Variants in VRK1 observed in about 807,000 individuals in gnomAD.
The protein encoded by VRK1 is serine/threonine-protein kinase VRK1.
In VRK1, 33 loss-of-function variants were observed where a neutral mutation model predicts 57.1. The observed-to-expected ratio is 0.58, with a 90% CI of 0.44 to 0.77. The LOEUF is 0.77. VRK1 is among the 30% of genes least tolerant of loss of function. The pLI, the probability that VRK1 is intolerant of heterozygous loss-of-function variation, is 0.00. For missense variants in VRK1, 413 were observed against 477.3 expected, an observed-to-expected ratio of 0.87 and a Z score of 1.25; for synonymous variants, 137 against 147.8, an observed-to-expected ratio of 0.93 and a Z score of 0.53.
At position 96,827,439 on chromosome 14, in the gene VRK1, C is replaced by CTACT. The variant is rs1296604266; in HGVS notation, c.-5-6023_-5-6020dup. 2.6e-5 allele frequency among the ~76,000 whole-genome samples: 4 copies of CTACT among 151,806 alleles called. 1 individual carries two copies. In the East Asian group the frequency reaches 7.7e-4, roughly 29 times the overall value. On this transcript the variant is annotated intron_variant, in intron 1 of 12. Coordinates refer to ENST00000216639, the MANE Select transcript of VRK1 (RefSeq NM_003384.3). ...ATCTCTTAAGGTGTGGCTGTCAGCT[C>CTACT]TACTTACTCTCCTGTAAGCTTCATT... is the stretch of plus-strand genomic sequence containing the variant.
chr14:96,847,204 A>G lies in VRK1; in HGVS notation c.287-53A>G, dbSNP rs1887736336. ...TTTGCTCTTAATGATTTTTTAAAAA[A>G]TTATCATTTATGTATAACAATTGAA... On this transcript the variant is annotated intron_variant, in intron 4 of 12. Coordinates refer to ENST00000216639, the MANE Select transcript of VRK1 (RefSeq NM_003384.3). 2.7e-6 allele frequency: 4 copies of G among 1,479,212 alleles called. No individual in the cohort carries two copies. The South Asian group carries it at 3.5e-5, about 13-fold the overall frequency. The allele number at this position is 1,479,212 out of a possible 1,614,324, so 91.6% of individuals were successfully genotyped here.
chr14:96,816,721 G>T (rs946961300), intron 1 of VRK1, among the ~76,000 whole-genome samples: 1 of 152,040 alleles, frequency 6.6e-6, no homozygotes, highest in Non-Finnish European at 1.5e-5. Context: ...ACAGTATAGG[G>T]TCACAATCAG....
Position 96,868,348 on chromosome 14 carries a change from A to G in VRK1, c.1068+7613A>G, listed in dbSNP as rs569778748. Among the ~76,000 whole-genome samples the G allele has an allele frequency of 2.6e-5, 4 of 152,300 alleles. No homozygotes were observed. The East Asian group carries it at 5.8e-4, about 22-fold the overall frequency. On this transcript the variant is annotated intron_variant, in intron 11 of 12. Coordinates refer to ENST00000216639, the MANE Select transcript of VRK1 (RefSeq NM_003384.3). ...GCTGCACCCTAGACCAAGTAAATCA[A>G]AAGCTATAAGGGTGGGACCGTCGGG...
At chr14:96,800,611 A>G (rs1475296658) in intron 1 of VRK1, among the ~76,000 whole-genome samples, 3 of 152,056 alleles carry the variant, frequency 2.0e-5, no homozygotes, top group African/African-American at 7.2e-5. Flanking sequence ...GGAAACATAT[A>G]TGTTTGTGAA....
intron 10 of VRK1, chr14:96,859,067 C>G (rs997379711): frequency 6.6e-6 from 1 of 152,138 alleles, no homozygotes; most frequent in African/African-American, 2.4e-5. Context: ...TAATTTCTCT[C>G]AACTGTGTTT....
intron 3 of VRK1, among the ~76,000 whole-genome samples, chr14:96,839,891 G>T (rs368057710): frequency 2.0e-5 from 3 of 152,140 alleles, no homozygotes; most frequent in African/African-American, 4.8e-5. Context: ...TGTCAATGTG[G>T]CAATTACATT....
At chr14:96,866,667 T>G (rs1031803248) in intron 11 of VRK1, among the ~76,000 whole-genome samples, 2 of 152,094 alleles carry the variant, frequency 1.3e-5, no homozygotes, top group African/African-American at 2.4e-5. Context: ...CGGGCTTAAG[T>G]CTTTTCTCCC....
At chr14:96,869,714 G>A (rs974789573) in intron 11 of VRK1, among the ~76,000 whole-genome samples, 3 of 151,970 alleles carry the variant, frequency 2.0e-5, no homozygotes, top group South Asian at 4.2e-4. Flanking sequence ...TAATTGATAC[G>A]AGAAGATAAT....
At chr14:96,828,852 A>G (rs1436604692) in intron 1 of VRK1, among the ~76,000 whole-genome samples, 1 of 152,226 alleles carries the variant, frequency 6.6e-6, no homozygotes, top group Non-Finnish European at 1.5e-5. Flanking sequence ...GCAGGCCCTA[A>G]GGATTGACAG....
Position 96,872,320 on chromosome 14 carries a change from A to G in VRK1, c.1069-3710A>G, listed in dbSNP as rs540582743. On this transcript the variant is annotated intron_variant, in intron 11 of 12. Coordinates refer to ENST00000216639, the MANE Select transcript of VRK1 (RefSeq NM_003384.3). Reference sequence around the variant, plus strand: ...AGATATGAAATTACCTCTTTATTACAAGAATAGTTCAATAGTTACTCTACA... The same window carrying G: ...AGATATGAAATTACCTCTTTATTACGAGAATAGTTCAATAGTTACTCTACA... Among the ~76,000 whole-genome samples, 13 of 152,328 alleles carry G rather than the reference A, an allele frequency of 8.5e-5. 1 individual carries two copies. Among genetic ancestry groups the G allele is most frequent in the African/African-American group, 3.1e-4 (13 of 41,570 alleles).
chr14:96,816,255 G>A (rs904086016), intron 1 of VRK1, among the ~76,000 whole-genome samples: 5 of 152,066 alleles, frequency 3.3e-5, no homozygotes, highest in Middle Eastern at 3.2e-3. Context: ...CTTCAACAAA[G>A]TTTCTCAGAG....
chr14:96,835,680 C>T (rs1018786065), intron 2 of VRK1, among the ~76,000 whole-genome samples: 1 of 152,174 alleles, frequency 6.6e-6, no homozygotes, highest in African/African-American at 2.4e-5. Flanking sequence ...GCCTTGAAGC[C>T]AGAAACTGGG....
intron 10 of VRK1, among the ~76,000 whole-genome samples, chr14:96,856,969 GA>G (rs147042810): frequency 6.6e-6 from 1 of 150,866 alleles, no homozygotes; most frequent in East Asian, 1.9e-4. Context: ...CTCCGTCTCA[GA>G]AAAAAAAATA....
At chr14:96,831,352 G>A (rs534418489) in intron 1 of VRK1, among the ~76,000 whole-genome samples, 1 of 152,258 alleles carries the variant, frequency 6.6e-6, no homozygotes, top group South Asian at 2.1e-4. Context: ...GGGAATTCAG[G>A]GAGATGAAAC....
At chr14:96,847,504 G>C (rs2139782863) in intron 5 of VRK1, among the ~76,000 whole-genome samples, 160 bp downstream of exon 5, 1 of 152,260 alleles carries the variant, frequency 6.6e-6, no homozygotes, top group South Asian at 2.1e-4. Flanking sequence ...TGTTATCTCT[G>C]TCCTCTGCTT....
In VRK1 at chr14:96,837,898, G is replaced by C. The variant is rs1595663884; in HGVS notation, c.216+81G>C. ...GTAAAATGCCTTTTTTGATTAACTA[G>C]AATTAATTAAACCATAAGATACTAC... On this transcript the variant is annotated intron_variant, in intron 3 of 12. Coordinates refer to ENST00000216639, the MANE Select transcript of VRK1 (RefSeq NM_003384.3). 6.4e-6 allele frequency: 6 copies of C among 931,806 alleles called. No homozygotes were observed. The East Asian group carries it at 1.7e-4, about 26-fold the overall frequency. 57.7% of individuals were successfully genotyped at this position (931,806 alleles called of 1,614,324 possible).
At chr14:96,844,145 T>C (rs1338974266) in intron 3 of VRK1, among the ~76,000 whole-genome samples, 3 of 152,206 alleles carry the variant, frequency 2.0e-5, no homozygotes, top group Admixed American at 1.3e-4. Flanking sequence ...TTCTTAACGC[T>C]GATTCTGTGA....
chr14:96,837,688 A>C, intron 2 of VRK1, 74 bp from the exon 3 acceptor site: 1 of 924,148 alleles, frequency 1.1e-6, no homozygotes, highest in South Asian at 2.5e-5. Context: ...AGGGTTACAG[A>C]TATACAAACC....
At chr14:96,881,148 G>C in intron 12 of VRK1, 29 bp from the exon 13 acceptor site, 1 of 1,587,844 alleles carries the variant, frequency 6.3e-7, no homozygotes. Context: ...ATTGACTAGT[G>C]ATTTCAGTTT....
Sources: gnomAD v4.1 joint callset for allele counts (sites outside exome capture counted in the v4.1 genomes callset) on GRCh38, gnomAD v4.1.1 for gene constraint, MANE v1.5 for transcripts, NCBI Gene and HGNC (gene_info 2026-07-23, HGNC 2026-07-21) for gene names.